Variants in OPCML observed in about 807,000 individuals in gnomAD.
The protein encoded by OPCML is opioid binding protein/cell adhesion molecule like, also known as opioid-binding protein/cell adhesion molecule.
OPCML carries 13 observed loss-of-function variants against 37.8 expected under a neutral mutation model. That is an observed-to-expected ratio of 0.34 (90% CI 0.22 to 0.55). The LOEUF (loss-of-function observed/expected upper bound fraction) is 0.55. Among genes scored for constraint, OPCML ranks in the 20% least tolerant of loss-of-function variants. The probability of loss-of-function intolerance (pLI) is 0.91; values close to 1 mark genes in which losing one functional copy is unlikely to be tolerated. For synonymous variants in OPCML, 176 were observed against 168.8 expected (o/e 1.04, Z -0.33); for missense variants, 341 against 435.6 (o/e 0.78, Z 1.93).
chr11:132,551,124 A>G (rs1478561385), intron 3 of OPCML, among the ~76,000 whole-genome samples: 1 of 152,114 alleles, frequency 6.6e-6, no homozygotes, highest in East Asian at 1.9e-4. Flanking sequence ...CTCTTTCTCT[A>G]TTGCAATTCC....
At chr11:133,247,964 T>C (rs555185855) in intron 1 of OPCML, among the ~76,000 whole-genome samples, 1 of 152,150 alleles carries the variant, frequency 6.6e-6, no homozygotes, top group Non-Finnish European at 1.5e-5. Flanking sequence ...ACTAGAGAGA[T>C]GTAAATTCAG....
intron 1 of OPCML, among the ~76,000 whole-genome samples, chr11:133,429,861 G>A (rs1946081590): frequency 6.6e-6 from 1 of 152,076 alleles, no homozygotes; most frequent in South Asian, 2.1e-4. Context: ...TGAGAAGGTT[G>A]TTGTATTAAT....
chr11:132,469,820 T>G (rs2096131524), intron 4 of OPCML, among the ~76,000 whole-genome samples: 1 of 85,430 alleles, frequency 1.2e-5, no homozygotes, highest in Non-Finnish European at 2.3e-5. Flanking sequence ...TTGTGTGGTG[T>G]GTGTATGTGT....
At chr11:132,908,930 C>A (rs1466087684) in intron 2 of OPCML, among the ~76,000 whole-genome samples, 2 of 152,208 alleles carry the variant, frequency 1.3e-5, no homozygotes, top group South Asian at 2.1e-4. Context: ...GAATCCCAAC[C>A]ACAGCAGCTC....
chr11:132,797,487 G>A (rs1391733574), intron 2 of OPCML, among the ~76,000 whole-genome samples: 1 of 152,142 alleles, frequency 6.6e-6, no homozygotes, highest in African/African-American at 2.4e-5. Context: ...AAATCCTGTA[G>A]GTTCAGTTCC....
chr11:133,095,277 G>GT (rs60154725), intron 1 of OPCML, among the ~76,000 whole-genome samples: 2,500 of 44,276 alleles, frequency 0.056, 552 homozygotes, highest in African/African-American at 0.11. Context: ...TAATGTAAAT[G>GT]TTTTTTTTTT....
intron 1 of OPCML, among the ~76,000 whole-genome samples, chr11:133,378,117 TG>T (rs1944856173): frequency 6.6e-6 from 1 of 152,264 alleles, no homozygotes. Flanking sequence ...GAAGAAGCTA[TG>T]TCTCCCCAAA....
intron 4 of OPCML, among the ~76,000 whole-genome samples, chr11:132,444,917 T>A (rs1242578975): frequency 6.6e-6 from 1 of 152,236 alleles, no homozygotes; most frequent in Non-Finnish European, 1.5e-5. Context: ...ATAAACCCAC[T>A]GTTTCATTTT....
rs1452333204 is a variant in OPCML, at chr11:133,325,147, CCCTT to C, written c.61+207113_61+207116del. Among the ~76,000 whole-genome samples, 7 of 152,332 alleles carry C rather than the reference CCCTT, an allele frequency of 4.6e-5. No homozygotes were observed. The East Asian group carries it at 1.4e-3, about 29-fold the overall frequency. On this transcript the variant is annotated intron_variant, in intron 1 of 7. Coordinates refer to ENST00000524381, the MANE Select transcript of OPCML (RefSeq NM_001012393.5). The stretch of plus-strand genomic sequence containing the variant: ...GTGGGCTGAGCCACGTCACTAGACT[CCCTT>C]CCTAATGGAAGCTCTGGTATGAAAA...
intron 3 of OPCML, among the ~76,000 whole-genome samples, chr11:132,565,975 G>A (rs895176713): frequency 6.6e-6 from 1 of 152,216 alleles, no homozygotes; most frequent in African/African-American, 2.4e-5. Flanking sequence ...GGAGGTTGCA[G>A]TGAGTAGAGA....
At chr11:132,689,900 C>T (rs934657976) in intron 2 of OPCML, among the ~76,000 whole-genome samples, 1 of 152,128 alleles carries the variant, frequency 6.6e-6, no homozygotes, top group Non-Finnish European at 1.5e-5. Context: ...TGCCTTGGAC[C>T]ATAAGTAATC....
rs765975262 is a variant in OPCML, at chr11:133,403,200, G to A, written c.61+129064C>T. 2.0e-5 allele frequency among the ~76,000 whole-genome samples: 3 copies of A among 152,292 alleles called. No homozygotes were observed. In the East Asian group the frequency reaches 5.8e-4, roughly 29 times the overall value. Reference sequence around the variant, plus strand: ...TCTCACTAAGCCTGTCTTATCATTAGTGACATGGACTTACCTAACTCAATT... The same window carrying A: ...TCTCACTAAGCCTGTCTTATCATTAATGACATGGACTTACCTAACTCAATT... On this transcript the variant is annotated intron_variant, in intron 1 of 7. Coordinates refer to ENST00000524381, the MANE Select transcript of OPCML (RefSeq NM_001012393.5).
chr11:132,987,359 C>T (rs768074117), intron 1 of OPCML, among the ~76,000 whole-genome samples: 12 of 152,086 alleles, frequency 7.9e-5, no homozygotes, highest in Admixed American at 2.6e-4. Flanking sequence ...GATGTAAGAA[C>T]GTGAAGACCA....
At chr11:133,112,306 AAAAAG>A (rs1282086670) in intron 1 of OPCML, among the ~76,000 whole-genome samples, 245 of 142,940 alleles carry the variant, frequency 1.7e-3, no homozygotes, top group African/African-American at 4.9e-3. Flanking sequence ...AAAAAAAAAA[AAAAAG>A]GGGAAAGAAA....
chr11:133,020,781 G>A (rs2136900782), intron 1 of OPCML, among the ~76,000 whole-genome samples: 1 of 152,308 alleles, frequency 6.6e-6, no homozygotes, highest in East Asian at 1.9e-4. Context: ...TAATGGTGTA[G>A]AAAAGCAATG....
intron 1 of OPCML, among the ~76,000 whole-genome samples, chr11:133,069,983 C>T (rs542860824): frequency 1.3e-5 from 2 of 152,260 alleles, no homozygotes; most frequent in African/African-American, 4.8e-5. Context: ...CTAAATTCCA[C>T]TTCTAACAAG....
chr11:132,716,615 T>C (rs1210887703), intron 2 of OPCML, among the ~76,000 whole-genome samples: 1 of 152,184 alleles, frequency 6.6e-6, no homozygotes, highest in African/African-American at 2.4e-5. Context: ...TAATAGAATT[T>C]CCCTGCAAAA....
At chr11:132,704,743 T>C (rs1001767022) in intron 2 of OPCML, among the ~76,000 whole-genome samples, 4 of 152,208 alleles carry the variant, frequency 2.6e-5, no homozygotes, top group Non-Finnish European at 5.9e-5. Context: ...AAGACTGTTT[T>C]TAATTCAAGT....
chr11:132,478,866 G>A (rs1189527823), intron 4 of OPCML, among the ~76,000 whole-genome samples: 1 of 152,104 alleles, frequency 6.6e-6, no homozygotes, highest in Non-Finnish European at 1.5e-5. Context: ...GAGACCAAGA[G>A]AATATAATTT....
Sources: gnomAD v4.1 joint callset for allele counts (sites outside exome capture counted in the v4.1 genomes callset) on GRCh38, gnomAD v4.1.1 for gene constraint, MANE v1.5 for transcripts, NCBI Gene and HGNC (gene_info 2026-07-23, HGNC 2026-07-21) for gene names.